The following PPP1R2 variants were observed in gnomAD, a reference collection of about 807,000 sequenced individuals.
PPP1R2 encodes the protein protein phosphatase inhibitor 2.
In PPP1R2, 16 loss-of-function variants were observed where a neutral mutation model predicts 29.9. That is an observed-to-expected ratio of 0.53 (90% CI 0.36 to 0.81). The LOEUF (loss-of-function observed/expected upper bound fraction) is 0.81. PPP1R2 is among the 30% of genes least tolerant of loss of function. The probability of loss-of-function intolerance (pLI) is 0.00; values close to 1 mark genes in which losing one functional copy is unlikely to be tolerated. For synonymous variants in PPP1R2, 76 were observed against 91.5 expected (o/e 0.83, Z 0.96); for missense variants, 197 against 252.7 (o/e 0.78, Z 1.49).
chr3:195,543,209 G>C lies in PPP1R2; in HGVS notation c.-184C>G, dbSNP rs565499577. 1 of 778,520 alleles carries C rather than the reference G, an allele frequency of 1.3e-6. No individual in the cohort carries two copies. Among genetic ancestry groups the C allele is most frequent in the African/African-American group, 1.8e-5 (1 of 54,326 alleles). The allele number at this position is 778,520 out of a possible 1,614,324, so 48.2% of individuals were successfully genotyped here. ...ACGACACAACGACCCCGACGCCAGA[G>C]CCAACGCCGAACGGGTGGCGGCTAC... On this transcript the variant is annotated 5_prime_UTR_variant, in exon 1 of 6. Coordinates refer to ENST00000618156, the MANE Select transcript of PPP1R2 (RefSeq NM_006241.8).
chr3:195,534,695 C>CT (rs1186464193), intron 1 of PPP1R2, among the ~76,000 whole-genome samples: 1 of 151,700 alleles, frequency 6.6e-6, no homozygotes. Flanking sequence ...TACAGAACTG[C>CT]TTTTAAAAAA....
chr3:195,521,270 G>A (rs577194488), intron 4 of PPP1R2, among the ~76,000 whole-genome samples: 333 of 126,506 alleles, frequency 2.6e-3, no homozygotes, highest in African/African-American at 9.6e-3. Flanking sequence ...AGCGAAGATC[G>A]CGCCACTGCA....
Position 195,529,805 on chromosome 3 carries a change from A to G in PPP1R2, c.219T>C (p.Thr73=), listed in dbSNP as rs1334987083. ...YGLMKIDEPS[T]PYHSMMGDDE... is the part of the protein sequence containing the mutation. ...CTACGTAACATTACCTATGGTAAGGAGTGCTTGGTTCATCTATTTTCATTA... is the reference window on the plus strand; with the variant it reads ...CTACGTAACATTACCTATGGTAAGGGGTGCTTGGTTCATCTATTTTCATTA... The change falls in exon 2 of 6, where the codon ACT becomes ACC. Residue 73 remains threonine (T), a synonymous_variant. Coordinates refer to ENST00000618156, the MANE Select transcript of PPP1R2 (RefSeq NM_006241.8). 1.1e-5 allele frequency: 18 copies of G among 1,596,848 alleles called. No individual in the cohort carries two copies. Among genetic ancestry groups the G allele is most frequent in the Non-Finnish European group, 1.5e-5 (18 of 1,171,586 alleles).
At chr3:195,533,521 C>T (rs1372126390) in intron 1 of PPP1R2, among the ~76,000 whole-genome samples, 1 of 152,074 alleles carries the variant, frequency 6.6e-6, no homozygotes. Context: ...ATACAAAATG[C>T]CACTAGAGAT....
At chr3:195,525,908 C>T (rs567479584) in intron 2 of PPP1R2, among the ~76,000 whole-genome samples, 1 of 152,084 alleles carries the variant, frequency 6.6e-6, no homozygotes, top group East Asian at 1.9e-4. Context: ...TGAGTTTAAT[C>T]AAGCAAAGTA....
chr3:195,528,696 A>G (rs1719064856), intron 2 of PPP1R2: 1 of 129,778 alleles, frequency 7.7e-6, no homozygotes, highest in African/African-American at 2.7e-5. Context: ...TAGGTAGGGC[A>G]TAACTATTTT....
At chr3:195,540,965 A>T (rs78679621) in intron 1 of PPP1R2, among the ~76,000 whole-genome samples, 7,306 of 152,326 alleles carry the variant, frequency 0.048, 292 homozygotes, top group South Asian at 0.17. Flanking sequence ...AAGGATCATT[A>T]AAAAACCCAT....
At chr3:195,527,914 G>T in intron 2 of PPP1R2, 1 of 366,066 alleles carries the variant, frequency 2.7e-6, no homozygotes, top group South Asian at 2.0e-5. Context: ...TGCAATTTAG[G>T]AGAAAAATAA....
intron 5 of PPP1R2, among the ~76,000 whole-genome samples, chr3:195,518,423 G>A (rs930608085): frequency 2.0e-5 from 3 of 151,816 alleles, no homozygotes; most frequent in East Asian, 1.9e-4. Flanking sequence ...AGGCCGAGGC[G>A]GGCGGATCAC....
chr3:195,541,125 C>T lies in PPP1R2; in HGVS notation c.122+1779G>A, dbSNP rs182112446. Among the ~76,000 whole-genome samples the T allele has an allele frequency of 1.4e-4, 22 of 152,274 alleles. No individual in the cohort carries two copies. The East Asian group carries it at 1.7e-3, about 12-fold the overall frequency. On this transcript the variant is annotated intron_variant, in intron 1 of 5. Transcript: ENST00000618156. ...CACAGATACTACAGAAGAGGCAGCC[C>T]TATGCAGTTGAGTCAGTCTAGTATA...
Position 195,523,756 on chromosome 3 carries a change from C to T in PPP1R2, c.339G>A (p.Lys113=), listed in dbSNP as rs767860436. 1 of 1,614,164 alleles carries T rather than the reference C, an allele frequency of 6.2e-7. No individual in the cohort carries two copies. Among genetic ancestry groups the T allele is most frequent in the South Asian group, 1.1e-5 (1 of 91,066 alleles). Residue 113 remains lysine (K), a synonymous_variant, in exon 4 of 6, where the codon AAG becomes AAA. Coordinates refer to ENST00000618156, the MANE Select transcript of PPP1R2 (RefSeq NM_006241.8). ...TGCTTTCTTGTTCCTGAATCCGATA[C>T]TTTGGCTCCAAGCCTTCAGCTGCAG... ...KLAAAEGLEP[K]YRIQEQESSG... is the part of the protein sequence containing the mutation.
chr3:195,529,714 A>T (rs1160154769), intron 2 of PPP1R2, 80 bp downstream of exon 2: 19 of 1,009,784 alleles, frequency 1.9e-5, no homozygotes, highest in Non-Finnish European at 2.5e-5. Context: ...AACAAATTCA[A>T]ATAGGCTGTT....
chr3:195,525,414 G>T (rs1718926239), intron 2 of PPP1R2, among the ~76,000 whole-genome samples: 1 of 151,988 alleles, frequency 6.6e-6, no homozygotes, highest in African/African-American at 2.4e-5. Flanking sequence ...GGTATCTGAG[G>T]GAGGTCCTGA....
intron 1 of PPP1R2, among the ~76,000 whole-genome samples, chr3:195,531,830 T>G (rs1719189803): frequency 6.6e-6 from 1 of 152,164 alleles, no homozygotes; most frequent in African/African-American, 2.4e-5. Flanking sequence ...CTTCCCCAAC[T>G]GAAACTGTAC....
rs540946480 is a variant in PPP1R2, at chr3:195,541,565, G to C, written c.122+1339C>G. Among the ~76,000 whole-genome samples, 254 of 149,182 alleles carry C rather than the reference G, an allele frequency of 1.7e-3. 2 individuals are homozygous for C. Among genetic ancestry groups the C allele is most frequent in the African/African-American group, 5.9e-3 (237 of 40,474 alleles). ...TCCCACCTTGGCCTCTCCAAGTGCTGAGATTACAGGCGTGAGCCACCACGC... is the reference window on the plus strand; with the variant it reads ...TCCCACCTTGGCCTCTCCAAGTGCTCAGATTACAGGCGTGAGCCACCACGC... On this transcript the variant is annotated intron_variant, in intron 1 of 5. Transcript: ENST00000618156.
At chr3:195,518,901 A>G in intron 5 of PPP1R2, 117 bp downstream of exon 5, 3 of 1,469,104 alleles carry the variant, frequency 2.0e-6, no homozygotes, top group Non-Finnish European at 2.7e-6. Flanking sequence ...ATTTGGTATA[A>G]TAAAGCGAAT....
chr3:195,531,247 G>C (rs965885853), intron 1 of PPP1R2, among the ~76,000 whole-genome samples: 2 of 152,152 alleles, frequency 1.3e-5, no homozygotes, highest in African/African-American at 2.4e-5. Flanking sequence ...AGACCTCAAA[G>C]ACCTTTCTAC....
At chr3:195,522,590 T>C (rs1718803359) in intron 4 of PPP1R2, among the ~76,000 whole-genome samples, 3 of 152,218 alleles carry the variant, frequency 2.0e-5, no homozygotes, top group African/African-American at 4.8e-5. Context: ...TTGAAATACT[T>C]TTCAAGGATC....
intron 2 of PPP1R2, among the ~76,000 whole-genome samples, chr3:195,527,165 T>C (rs1719001862): frequency 6.6e-6 from 1 of 151,900 alleles, no homozygotes; most frequent in Admixed American, 6.6e-5. Context: ...CAAGAGTTCT[T>C]TGGGGAAGGG....
Sources: gnomAD v4.1 joint callset for allele counts (sites outside exome capture counted in the v4.1 genomes callset) on GRCh38, gnomAD v4.1.1 for gene constraint, MANE v1.5 for transcripts, NCBI Gene and HGNC (gene_info 2026-07-23, HGNC 2026-07-21) for gene names.